The following LARGE1 variants were observed in gnomAD, a reference collection of about 807,000 sequenced individuals.
LARGE1 encodes the protein LARGE xylosyl- and glucuronyltransferase 1.
Under a neutral mutation model 87.6 loss-of-function variants are expected in LARGE1, and 43 were observed. The observed-to-expected ratio is 0.49, with a 90% CI of 0.38 to 0.63. The LOEUF (loss-of-function observed/expected upper bound fraction) is 0.63, where lower values mean the gene tolerates loss of function less well. LARGE1 is among the 30% of genes least tolerant of loss of function. The probability of loss-of-function intolerance (pLI) is 0.00; values close to 1 mark genes in which losing one functional copy is unlikely to be tolerated. For synonymous variants in LARGE1, 434 were observed against 394.6 expected (o/e 1.10, Z -1.18); for missense variants, 802 against 1,000.2 (o/e 0.80, Z 2.67).
chr22:33,643,094 A>C (rs1286332011), intron 3 of LARGE1, among the ~76,000 whole-genome samples: 4 of 152,202 alleles, frequency 2.6e-5, no homozygotes, highest in Non-Finnish European at 5.9e-5. Flanking sequence ...CAGAATATAC[A>C]TTCTGCCCAG....
chr22:33,858,629 A>C (rs1190983063), intron 1 of LARGE1, among the ~76,000 whole-genome samples: 2 of 152,158 alleles, frequency 1.3e-5, no homozygotes, highest in African/African-American at 4.8e-5. Context: ...TCACCTTCCC[A>C]GCTAGGCTTA....
At chr22:33,724,762 C>A (rs916942290) in intron 2 of LARGE1, 1 of 152,404 alleles carries the variant, frequency 6.6e-6, no homozygotes, top group Non-Finnish European at 1.5e-5. Context: ...CTGGGACAAG[C>A]TGGGCACTTC....
intron 7 of LARGE1, among the ~76,000 whole-genome samples, chr22:33,391,249 T>C (rs1301826992): frequency 6.6e-6 from 1 of 152,150 alleles, no homozygotes; most frequent in East Asian, 1.9e-4. Flanking sequence ...TTTGGTTCTA[T>C]TCATTAGTTA....
chr22:33,334,431 A>C (rs1938170863), intron 10 of LARGE1, among the ~76,000 whole-genome samples: 1 of 149,090 alleles, frequency 6.7e-6, no homozygotes, highest in South Asian at 2.1e-4. Flanking sequence ...AACAAAAAAA[A>C]AAAACACCAA....
At position 33,274,429 on chromosome 22, in the gene LARGE1, A is replaced by G; in HGVS notation, c.2269T>C (p.Ter757GlnextTer7). The G allele has an allele frequency of 6.2e-7, 1 of 1,614,130 alleles. No individual in the cohort carries two copies. Among genetic ancestry groups the G allele is most frequent in the Non-Finnish European group, 8.5e-7 (1 of 1,179,992 alleles). The change falls in exon 15 of 15, where the codon TAG becomes CAG. Residue 757 changes from the stop codon to glutamine (Q), a stop_lost. Coordinates refer to ENST00000397394, the MANE Select transcript of LARGE1 (RefSeq NM_133642.5). The part of the protein sequence containing the change: ...LKYLTAENNS[*>Q] The stretch of plus-strand genomic sequence containing the variant: ...CCCTAGTGGTGGGCTTCTTGGTGCT[A>G]GCTGTTGTTCTCGGCTGTGAGATAT...
At chr22:33,404,405 C>T (rs1057168385) in intron 7 of LARGE1, among the ~76,000 whole-genome samples, 7 of 152,204 alleles carry the variant, frequency 4.6e-5, no homozygotes, top group Non-Finnish European at 7.4e-5. Context: ...ATAACCAGTG[C>T]TCAATAAATG....
At chr22:33,321,462 A>C (rs576967909) in intron 10 of LARGE1, among the ~76,000 whole-genome samples, 3 of 152,244 alleles carry the variant, frequency 2.0e-5, no homozygotes, top group Non-Finnish European at 4.4e-5. Flanking sequence ...ACCAACTGCT[A>C]TGCTCCTAAA....
chr22:33,409,969 T>G (rs904459962), intron 7 of LARGE1, among the ~76,000 whole-genome samples: 5 of 151,216 alleles, frequency 3.3e-5, no homozygotes, highest in African/African-American at 9.7e-5. Flanking sequence ...GTATAGGTAA[T>G]GAAGAGGGAA....
chr22:33,315,084 C>T (rs1361624159), intron 11 of LARGE1, among the ~76,000 whole-genome samples: 2 of 152,132 alleles, frequency 1.3e-5, no homozygotes, highest in African/African-American at 4.8e-5. Context: ...TGGCTGGTGC[C>T]TGCAGTCCCA....
chr22:33,772,506 T>C (rs539033895), intron 1 of LARGE1, among the ~76,000 whole-genome samples: 99 of 152,110 alleles, frequency 6.5e-4, no homozygotes, highest in African/African-American at 2.3e-3. Context: ...CTCAGGGTCT[T>C]TGCAAGTGTG....
At chr22:33,284,260 G>A (rs993889548) in intron 12 of LARGE1, among the ~76,000 whole-genome samples, 4 of 152,172 alleles carry the variant, frequency 2.6e-5, no homozygotes, top group Non-Finnish European at 4.4e-5. Context: ...ACAGAGAGCC[G>A]ATGAGAGAAT....
the LARGE1 span, among the ~76,000 whole-genome samples, chr22:33,098,980 T>G: frequency 3.3e-4 from 50 of 152,268 alleles, 2 homozygotes; most frequent in East Asian, 9.3e-3. Flanking sequence ...CTCTACAAAT[T>G]TATTGTTCTT....
At chr22:33,420,689 T>C (rs2066659819) in intron 7 of LARGE1, among the ~76,000 whole-genome samples, 1 of 152,208 alleles carries the variant, frequency 6.6e-6, no homozygotes, top group Non-Finnish European at 1.5e-5. Flanking sequence ...TTGTTCACTG[T>C]GGCACCCCAG....
chr22:33,680,364 T>C (rs2081723282), intron 2 of LARGE1, among the ~76,000 whole-genome samples: 1 of 151,936 alleles, frequency 6.6e-6, no homozygotes, highest in Non-Finnish European at 1.5e-5. Context: ...ATGCACAAAT[T>C]TGTATTGATC....
At chr22:33,911,871 G>A (rs890758702) in intron 1 of LARGE1, among the ~76,000 whole-genome samples, 3 of 152,200 alleles carry the variant, frequency 2.0e-5, no homozygotes, top group Non-Finnish European at 4.4e-5. Flanking sequence ...GAGACGCCTT[G>A]AGGAGCTCAA....
At chr22:33,889,576 G>T (rs944537708) in intron 1 of LARGE1, among the ~76,000 whole-genome samples, 1 of 152,130 alleles carries the variant, frequency 6.6e-6, no homozygotes, top group Non-Finnish European at 1.5e-5. Flanking sequence ...ATCAACTCAC[G>T]CCAAGACCAT....
At position 33,592,699 on chromosome 22, in the gene LARGE1, T is replaced by C. The variant is rs2078875334; in HGVS notation, c.615+11736A>G. Among the ~76,000 whole-genome samples, 4 of 150,956 alleles carry C rather than the reference T, an allele frequency of 2.6e-5. No homozygotes were observed. In the South Asian group the frequency reaches 8.4e-4, roughly 32 times the overall value. ...TATGTGTAACTCTGTACACACTGTCTGCCCCTTTATAACAATACCTTTTCA... is the reference window on the plus strand; with the variant it reads ...TATGTGTAACTCTGTACACACTGTCCGCCCCTTTATAACAATACCTTTTCA... On this transcript the variant is annotated intron_variant, in intron 5 of 14. Transcript: ENST00000397394.
At chr22:33,502,964 G>A (rs981874125) in intron 6 of LARGE1, among the ~76,000 whole-genome samples, 1 of 152,136 alleles carries the variant, frequency 6.6e-6, no homozygotes, top group Non-Finnish European at 1.5e-5. Context: ...CCATTCATTT[G>A]TCTGATACAG....
chr22:33,516,482 C>T (rs2071308376), intron 6 of LARGE1, among the ~76,000 whole-genome samples: 1 of 152,166 alleles, frequency 6.6e-6, no homozygotes, highest in African/African-American at 2.4e-5. Flanking sequence ...CCCCACCTTT[C>T]ATTTTGCACC....
Sources: gnomAD v4.1 joint callset for allele counts (sites outside exome capture counted in the v4.1 genomes callset) on GRCh38, gnomAD v4.1.1 for gene constraint, MANE v1.5 for transcripts, NCBI Gene and HGNC (gene_info 2026-07-23, HGNC 2026-07-21) for gene names.